Variants in RNF175 observed in about 807,000 individuals in gnomAD.
RNF175 encodes the protein ring finger protein 175.
Under a neutral mutation model 50.0 loss-of-function variants are expected in RNF175, and 38 were observed. The observed-to-expected ratio is 0.76, with a 90% CI of 0.59 to 1.00. The LOEUF (loss-of-function observed/expected upper bound fraction) is 1.00. RNF175 is among the 50% of genes least tolerant of loss of function. The pLI, the probability that RNF175 is intolerant of heterozygous loss-of-function variation, is 0.00. For synonymous variants in RNF175, 155 were observed against 146.1 expected (o/e 1.06, Z -0.44); for missense variants, 388 against 409.6 (o/e 0.95, Z 0.46).
In RNF175 at chr4:153,751,476, C is replaced by G. The variant is rs766079139; in HGVS notation, c.67-1G>C. The G allele has an allele frequency of 8.4e-6, 13 of 1,555,438 alleles. No individual in the cohort carries two copies. Among genetic ancestry groups the G allele is most frequent in the South Asian group, 6.1e-5 (5 of 82,206 alleles). On this transcript the variant is annotated splice_acceptor_variant, in intron 1 of 8. Coordinates refer to ENST00000347063, the MANE Select transcript of RNF175 (RefSeq NM_173662.4). LOFTEE classifies it high-confidence loss of function. Reference sequence around the variant, plus strand: ...CTGCAGAAAGCTTTGTATGAGAGAGCTGAAAAACATAAAAAGGGCCCTTAT... The same window carrying G: ...CTGCAGAAAGCTTTGTATGAGAGAGGTGAAAAACATAAAAAGGGCCCTTAT...
At chr4:153,749,585 T>C (rs1740179144) in intron 2 of RNF175, among the ~76,000 whole-genome samples, 1 of 152,258 alleles carries the variant, frequency 6.6e-6, no homozygotes, top group African/African-American at 2.4e-5. Context: ...TTTAGCTGGA[T>C]GCTTAGTTTT....
At chr4:153,748,467 A>C in intron 3 of RNF175, 178 bp downstream of exon 3, 1 of 524,708 alleles carries the variant, frequency 1.9e-6, no homozygotes, top group South Asian at 3.7e-5. Flanking sequence ...ACAGTCAAAA[A>C]TGTTTCCAGA....
rs940982472 is a variant in RNF175 at position 153,730,428 on chromosome 4, TA to T, written c.247-2068del. Among the ~76,000 whole-genome samples the T allele has an allele frequency of 4.0e-3, 577 of 144,724 alleles. 4 individuals carry two copies. The highest frequency in any genetic ancestry group is 9.5e-3 in the African/African-American group (378 of 39,756). The allele number at this position is 144,724 out of a possible 152,430, so 94.9% of individuals were successfully genotyped here. A position where few individuals can be genotyped will look rare whatever the true frequency, so the allele number is the denominator to read the frequency against. ...CGGGTGACAGAGTTAGACCCTGTCTTAAAAAAAAAAAAGTGGGTAGCACCTT... is the reference window on the plus strand; with the variant it reads ...CGGGTGACAGAGTTAGACCCTGTCTTAAAAAAAAAAAGTGGGTAGCACCTT... On this transcript the variant is annotated intron_variant, in intron 3 of 8. Coordinates refer to ENST00000347063, the MANE Select transcript of RNF175 (RefSeq NM_173662.4).
intron 8 of RNF175, among the ~76,000 whole-genome samples, chr4:153,711,167 A>G (rs1737549642): frequency 6.6e-6 from 1 of 152,240 alleles, no homozygotes; most frequent in African/African-American, 2.4e-5. Context: ...CACCAATTTT[A>G]TAACAAAGAT....
At chr4:153,755,352 A>T (rs1453431687) in intron 1 of RNF175, among the ~76,000 whole-genome samples, 1 of 152,260 alleles carries the variant, frequency 6.6e-6, no homozygotes, top group African/African-American at 2.4e-5. Flanking sequence ...CCCTGCTAGC[A>T]AGAGCTTAAC....
rs1738853852 is a variant in RNF175 at position 153,728,639 on chromosome 4, G to A, written c.247-278C>T. On this transcript the variant is annotated intron_variant, in intron 3 of 8. Transcript: ENST00000347063. ...CAATTTTAGATTAAAGGCCTTTGGG[G>A]CCTCCATAGAGATGTGATTTTGGAC... Among the ~76,000 whole-genome samples, 4 of 152,292 alleles carry A rather than the reference G, an allele frequency of 2.6e-5. No homozygotes were observed. The Middle Eastern group carries it at 0.014, about 522-fold the overall frequency.
At chr4:153,712,241 G>A (rs1737634487) in intron 8 of RNF175, among the ~76,000 whole-genome samples, 1 of 151,902 alleles carries the variant, frequency 6.6e-6, no homozygotes, top group South Asian at 2.1e-4. Flanking sequence ...CCCTTAATGT[G>A]GAAAATATAG....
intron 3 of RNF175, among the ~76,000 whole-genome samples, chr4:153,743,417 G>A (rs11099895): frequency 0.47 from 71,072 of 151,938 alleles, 17,337 homozygotes; most frequent in East Asian, 0.82. Context: ...TTCCTTTGGG[G>A]CAATACCAAT....
intron 8 of RNF175, among the ~76,000 whole-genome samples, chr4:153,712,169 C>A (rs553260590): frequency 6.6e-6 from 1 of 152,322 alleles, no homozygotes. Flanking sequence ...TCCATCCATC[C>A]TGAATATTCT....
At chr4:153,748,876 A>C in intron 2 of RNF175, 90 bp from the exon 3 acceptor site, 4 of 1,308,650 alleles carry the variant, frequency 3.1e-6, no homozygotes, top group Non-Finnish European at 4.1e-6. Context: ...AAAAAACAAA[A>C]AACAGGTTTG....
At chr4:153,751,072 T>A (rs2127161284) in intron 2 of RNF175, among the ~76,000 whole-genome samples, 1 of 152,264 alleles carries the variant, frequency 6.6e-6, no homozygotes, top group East Asian at 1.9e-4. Flanking sequence ...TTTTCATTCT[T>A]ATTTCACTTC....
chr4:153,754,085 G>A (rs1341986028), intron 1 of RNF175, among the ~76,000 whole-genome samples: 1 of 151,624 alleles, frequency 6.6e-6, no homozygotes, highest in African/African-American at 2.4e-5. Flanking sequence ...TAGGAGAATG[G>A]TGTGAACCCG....
At chr4:153,719,758 C>A (rs567935883) in intron 6 of RNF175, among the ~76,000 whole-genome samples, 145 of 152,300 alleles carry the variant, frequency 9.5e-4, no homozygotes, top group African/African-American at 3.2e-3. Context: ...CCCAGATGCA[C>A]TGTTGATTCT....
chr4:153,758,352 G>A (rs1740657574), intron 1 of RNF175, among the ~76,000 whole-genome samples: 1 of 152,168 alleles, frequency 6.6e-6, no homozygotes, highest in South Asian at 2.1e-4. Flanking sequence ...CCCAGGTAAT[G>A]CCTTGGCTGC....
At chr4:153,743,625 G>T (rs1440561708) in intron 3 of RNF175, among the ~76,000 whole-genome samples, 1 of 152,100 alleles carries the variant, frequency 6.6e-6, no homozygotes, top group Non-Finnish European at 1.5e-5. Context: ...ATGAGAGGCA[G>T]GATAACAGGC....
chr4:153,729,497 G>A (rs1429124816), intron 3 of RNF175, among the ~76,000 whole-genome samples: 5 of 152,174 alleles, frequency 3.3e-5, no homozygotes, highest in African/African-American at 1.2e-4. Flanking sequence ...GAAAAGGGAG[G>A]CTTAGAACAA....
At chr4:153,738,350 A>AT (rs372942042) in intron 3 of RNF175, among the ~76,000 whole-genome samples, 48,770 of 145,432 alleles carry the variant, frequency 0.34, 9,964 homozygotes, top group Non-Finnish European at 0.46. Flanking sequence ...CATCTGGCTA[A>AT]TTTTTTTTTT....
chr4:153,748,929 A>G, intron 2 of RNF175, 143 bp from the exon 3 acceptor site: 1 of 716,568 alleles, frequency 1.4e-6, no homozygotes, highest in Non-Finnish European at 2.2e-6. Flanking sequence ...AAGGGTTGGT[A>G]AGCTTTGATT....
intron 3 of RNF175, among the ~76,000 whole-genome samples, chr4:153,730,623 C>T (rs1258325340): frequency 6.6e-6 from 1 of 152,112 alleles, no homozygotes; most frequent in Non-Finnish European, 1.5e-5. Context: ...CTGTCGTTTG[C>T]ATTTTTCCTC....
Sources: gnomAD v4.1 joint callset for allele counts (sites outside exome capture counted in the v4.1 genomes callset) on GRCh38, gnomAD v4.1.1 for gene constraint, MANE v1.5 for transcripts, NCBI Gene and HGNC (gene_info 2026-07-23, HGNC 2026-07-21) for gene names.